Variants in ELOVL2 observed in about 807,000 individuals in gnomAD.
The protein encoded by ELOVL2 is very long chain fatty acid elongase 2.
ELOVL2 carries 38 observed loss-of-function variants against 37.7 expected under a neutral mutation model. That is an observed-to-expected ratio of 1.01 (90% CI 0.78 to 1.32). The LOEUF (loss-of-function observed/expected upper bound fraction) is 1.32. ELOVL2 is among the 40% of genes most tolerant of loss of function. ELOVL2 has a pLI of 0.00. For missense variants in ELOVL2, 352 were observed against 363.6 expected, an observed-to-expected ratio of 0.97 and a Z score of 0.26; for synonymous variants, 115 against 122.3, an observed-to-expected ratio of 0.94 and a Z score of 0.40.
chr6:11,030,933 C>A (rs2113558574), intron 1 of ELOVL2, among the ~76,000 whole-genome samples: 1 of 152,324 alleles, frequency 6.6e-6, no homozygotes, highest in African/African-American at 2.4e-5. Flanking sequence ...CTGCTGCAAT[C>A]AACTTGATGT....
chr6:10,988,552 AAAACTCT>A (rs1296882093), intron 7 of ELOVL2, among the ~76,000 whole-genome samples: 2 of 152,268 alleles, frequency 1.3e-5, no homozygotes, highest in Non-Finnish European at 1.5e-5. Flanking sequence ...CAATAAGAGC[AAAACTCT>A]GTTTCAAAAA....
chr6:10,992,795 CAAAACAAAAA>C (rs1246133062), intron 5 of ELOVL2, among the ~76,000 whole-genome samples: 5,147 of 115,468 alleles, frequency 0.045, 131 homozygotes, highest in Admixed American at 0.06. Flanking sequence ...TCAAAAAAAA[CAAAACAAAAA>C]AAAACAAAAA....
chr6:10,998,114 A>C (rs561319300), intron 4 of ELOVL2, among the ~76,000 whole-genome samples: 12 of 152,084 alleles, frequency 7.9e-5, no homozygotes, highest in Admixed American at 4.6e-4. Flanking sequence ...TTGCCATGTG[A>C]CATGCCTGCT....
At chr6:11,024,428 A>C (rs180689453) in intron 1 of ELOVL2, among the ~76,000 whole-genome samples, 115 of 152,332 alleles carry the variant, frequency 7.5e-4, no homozygotes, top group Middle Eastern at 6.8e-3. Context: ...ATGTTCCTTA[A>C]GTAAATATAA....
Position 10,994,987 on chromosome 6 carries a change from A to T in ELOVL2, c.505+20T>A. The T allele has an allele frequency of 6.4e-7, 1 of 1,566,798 alleles. No homozygotes were observed. The highest frequency in any genetic ancestry group is 8.7e-7 in the Non-Finnish European group (1 of 1,155,692). On this transcript the variant is annotated intron_variant, in intron 5 of 7. Transcript: ENST00000354666. ...CTAAGAGCCATTCCTCAAAACGGAA[A>T]AATTAACAAAATAACTTACTTTGTC...
chr6:11,018,672 C>CA (rs1230272899), intron 1 of ELOVL2, among the ~76,000 whole-genome samples: 1 of 152,156 alleles, frequency 6.6e-6, no homozygotes, highest in Non-Finnish European at 1.5e-5. Context: ...CTAAAGGTCA[C>CA]ATTTTGAGTA....
At chr6:11,038,087 C>T (rs1417483730) in intron 1 of ELOVL2, among the ~76,000 whole-genome samples, 2 of 152,010 alleles carry the variant, frequency 1.3e-5, no homozygotes, top group African/African-American at 4.8e-5. Context: ...GGTTTTGCTA[C>T]CTCTAGTATG....
At chr6:10,994,424 C>T (rs1233852299) in intron 5 of ELOVL2, among the ~76,000 whole-genome samples, 8 of 148,356 alleles carry the variant, frequency 5.4e-5, no homozygotes, top group African/African-American at 1.0e-4. Context: ...GCTGAGATCG[C>T]GCCACTGCAC....
At chr6:10,993,374 T>A (rs1391546238) in intron 5 of ELOVL2, among the ~76,000 whole-genome samples, 1 of 152,348 alleles carries the variant, frequency 6.6e-6, no homozygotes, top group East Asian at 1.9e-4. Flanking sequence ...TTAAACAGTG[T>A]TCTAAAATGT....
At chr6:11,019,082 T>TTC (rs1561724286) in intron 1 of ELOVL2, among the ~76,000 whole-genome samples, 1 of 152,040 alleles carries the variant, frequency 6.6e-6, no homozygotes, top group African/African-American at 2.4e-5. Flanking sequence ...ACAGTTATCA[T>TTC]AAGATTGCAT....
chr6:10,987,944 T>G (rs1782079269), intron 7 of ELOVL2, among the ~76,000 whole-genome samples: 1 of 152,182 alleles, frequency 6.6e-6, no homozygotes, highest in South Asian at 2.1e-4. Context: ...ATTATATGCT[T>G]GACTTCAGAA....
Position 10,989,719 on chromosome 6 carries a change from A to C in ELOVL2, c.749T>G (p.Leu250Ter), listed in dbSNP as rs1481034343. ...SYMLTLVILF[L>*]NFYVQTYRKK... is the part of the protein sequence containing the mutation. ...TCCACGTACCTGAACGTAAAAATTT[A>C]AGAAGAGGATGACTAACGTTAGCAT... Residue 250 changes from leucine to a stop codon, truncating the protein, a stop_gained, in exon 7 of 8, where the codon TTA becomes TGA. Transcript: ENST00000354666. LOFTEE classifies it low-confidence loss of function (END_TRUNC). 6.2e-7 allele frequency: 1 copy of C among 1,613,930 alleles called. No individual in the cohort carries two copies. Among genetic ancestry groups the C allele is most frequent in the Admixed American group, 1.7e-5 (1 of 60,024 alleles).
At chr6:10,995,217 G>A (rs759797862) in intron 4 of ELOVL2, 39 bp from the exon 5 acceptor site, 1 of 1,496,326 alleles carries the variant, frequency 6.7e-7, no homozygotes, top group Non-Finnish European at 9.1e-7. Context: ...GGTGAGAAAT[G>A]GCAGTGTTCC....
intron 1 of ELOVL2, among the ~76,000 whole-genome samples, chr6:11,019,267 C>A (rs1782729709): frequency 6.6e-6 from 1 of 152,186 alleles, no homozygotes; most frequent in Non-Finnish European, 1.5e-5. Flanking sequence ...CTCACCATCA[C>A]ATGCTGACAA....
intron 2 of ELOVL2, among the ~76,000 whole-genome samples, chr6:11,010,275 G>A (rs1190009671): frequency 2.0e-5 from 3 of 151,940 alleles, no homozygotes; most frequent in Non-Finnish European, 4.4e-5. Context: ...GCCCACCTCA[G>A]CCTCCCAAAG....
intron 2 of ELOVL2, among the ~76,000 whole-genome samples, 195 bp downstream of exon 2, chr6:11,010,551 A>T (rs918419363): frequency 1.3e-5 from 2 of 152,206 alleles, no homozygotes; most frequent in East Asian, 3.8e-4. Flanking sequence ...CTTTAATCCC[A>T]GGAGAGGTTA....
Position 10,982,538 on chromosome 6 carries a change from T to A in ELOVL2, c.*1243A>T, listed in dbSNP as rs1448079766. 1 of 152,210 alleles carries A rather than the reference T, an allele frequency of 6.6e-6. No individual in the cohort carries two copies. The highest frequency in any genetic ancestry group is 1.9e-4 in the East Asian group (1 of 5,198). The allele number at this position is 152,210 out of a possible 1,614,324, so 9.4% of individuals were successfully genotyped here. On this transcript the variant is annotated 3_prime_UTR_variant, in exon 8 of 8. Transcript: ENST00000354666. ...TGTTTCCATTCTTGGTAGAGTTTAG[T>A]AGTGAGTAACAGTCCTGCACTTATG...
At chr6:11,002,852 C>T (rs1159236203) in intron 3 of ELOVL2, among the ~76,000 whole-genome samples, 6 of 152,198 alleles carry the variant, frequency 3.9e-5, no homozygotes, top group African/African-American at 9.6e-5. Flanking sequence ...TCAGGGCTTC[C>T]TATTCAGTGC....
At chr6:11,019,227 T>C (rs1782729213) in intron 1 of ELOVL2, among the ~76,000 whole-genome samples, 1 of 152,196 alleles carries the variant, frequency 6.6e-6, no homozygotes. Context: ...TTAAAATTTT[T>C]ATCCCTATTG....
Sources: gnomAD v4.1 joint callset for allele counts (sites outside exome capture counted in the v4.1 genomes callset) on GRCh38, gnomAD v4.1.1 for gene constraint, MANE v1.5 for transcripts, NCBI Gene and HGNC (gene_info 2026-07-23, HGNC 2026-07-21) for gene names.